The following PTPRM variants were observed in gnomAD, a reference collection of about 807,000 sequenced individuals.
PTPRM encodes the protein protein tyrosine phosphatase receptor type M, also known as receptor-type tyrosine-protein phosphatase mu.
A neutral mutation model predicts 186.7 loss-of-function variants in PTPRM; 47 were observed. The ratio of observed to expected loss-of-function variants is 0.25; its 90% CI spans 0.20 to 0.32. The LOEUF is 0.32. Among genes scored for constraint, PTPRM ranks in the 10% least tolerant of loss-of-function variants. The pLI is 1.00. For synonymous variants in PTPRM, 668 were observed against 674.9 expected (o/e 0.99, Z 0.16); for missense variants, 1,494 against 1,865.0 (o/e 0.80, Z 3.66).
intron 31 of PTPRM, among the ~76,000 whole-genome samples, chr18:8,389,685 T>C (rs929384381): frequency 3.3e-5 from 5 of 152,264 alleles, no homozygotes; most frequent in African/African-American, 1.2e-4. Context: ...TTTACATTTA[T>C]ATATCTAAAT....
chr18:8,235,456 C>CTTTTTT (rs58166609), intron 14 of PTPRM, among the ~76,000 whole-genome samples: 3 of 102,322 alleles, frequency 2.9e-5, no homozygotes, highest in Non-Finnish European at 3.8e-5. Context: ...TCTGTGTCTT[C>CTTTTTT]TTTTTTTTTT....
intron 14 of PTPRM, among the ~76,000 whole-genome samples, chr18:8,150,481 G>T (rs2092980828): frequency 6.6e-6 from 1 of 151,764 alleles, no homozygotes; most frequent in African/African-American, 2.4e-5. Flanking sequence ...CTCGTGCTGT[G>T]CTTTTCAGCT....
intron 15 of PTPRM, among the ~76,000 whole-genome samples, chr18:8,244,714 C>G (rs1385185656): frequency 6.6e-6 from 1 of 152,130 alleles, no homozygotes; most frequent in Non-Finnish European, 1.5e-5. Flanking sequence ...TGCTTCATAC[C>G]AGGTGTGTAA....
At chr18:8,052,592 A>T (rs2087588137) in intron 7 of PTPRM, among the ~76,000 whole-genome samples, 1 of 152,144 alleles carries the variant, frequency 6.6e-6, no homozygotes, top group Non-Finnish European at 1.5e-5. Context: ...AAATCACCTA[A>T]CAATCCATTT....
At chr18:8,317,047 G>GT (rs1207942611) in intron 21 of PTPRM, among the ~76,000 whole-genome samples, 1 of 152,176 alleles carries the variant, frequency 6.6e-6, no homozygotes, top group African/African-American at 2.4e-5. Context: ...GTCCACAGTT[G>GT]TAAGGACTTT....
At chr18:7,656,709 G>C (rs1254703431) in intron 1 of PTPRM, among the ~76,000 whole-genome samples, 2 of 152,068 alleles carry the variant, frequency 1.3e-5, no homozygotes, top group Non-Finnish European at 2.9e-5. Context: ...AATATGTGAC[G>C]TGCATTTGAC....
intron 1 of PTPRM, among the ~76,000 whole-genome samples, chr18:7,621,752 T>C (rs185613986): frequency 3.8e-4 from 58 of 152,344 alleles, no homozygotes; most frequent in African/African-American, 1.3e-3. Flanking sequence ...TTCTTTCACT[T>C]AATAATATGC....
chr18:7,860,745 A>G (rs927582745), intron 2 of PTPRM, among the ~76,000 whole-genome samples: 1 of 152,184 alleles, frequency 6.6e-6, no homozygotes, highest in Non-Finnish European at 1.5e-5. Flanking sequence ...TTACAGGAGA[A>G]CTTAACAGGT....
At chr18:8,295,522 T>C (rs2095087621) in intron 19 of PTPRM, among the ~76,000 whole-genome samples, 1 of 152,088 alleles carries the variant, frequency 6.6e-6, no homozygotes, top group Non-Finnish European at 1.5e-5. Context: ...CTGCTCACCC[T>C]TCATCTCTTC....
chr18:7,765,538 G>A (rs183739621), intron 1 of PTPRM, among the ~76,000 whole-genome samples: 1 of 152,016 alleles, frequency 6.6e-6, no homozygotes, highest in African/African-American at 2.4e-5. Flanking sequence ...TGCTATGTTG[G>A]TATAGTTTTT....
At chr18:7,831,742 C>A (rs1435069966) in intron 2 of PTPRM, among the ~76,000 whole-genome samples, 1 of 152,158 alleles carries the variant, frequency 6.6e-6, no homozygotes, top group Non-Finnish European at 1.5e-5. Flanking sequence ...CATTAACCAT[C>A]TCCACCTTCA....
At chr18:8,114,754 A>T in intron 12 of PTPRM, 37 bp from the exon 13 acceptor site, 1 of 1,542,644 alleles carries the variant, frequency 6.5e-7, no homozygotes, top group South Asian at 1.1e-5. Context: ...TAAAGAAAAC[A>T]TGAATAATGA....
rs191693392 is a variant in PTPRM at position 7,698,236 on chromosome 18, G to C, written c.74-75913G>C. Among the ~76,000 whole-genome samples the C allele has an allele frequency of 1.7e-4, 26 of 152,244 alleles. No homozygotes were observed. The East Asian group carries it at 5.0e-3, about 29-fold the overall frequency. On this transcript the variant is annotated intron_variant, in intron 1 of 32. Transcript: ENST00000580170. ...CATTTCTAAATTCTGCACCAATACA[G>C]TGGCTCCACAGCTGCTACTGAATAT...
chr18:7,684,725 G>A (rs942539277), intron 1 of PTPRM, among the ~76,000 whole-genome samples: 2 of 152,162 alleles, frequency 1.3e-5, no homozygotes, highest in Non-Finnish European at 2.9e-5. Flanking sequence ...ATATGACACA[G>A]TTTCTTTATC....
At chr18:8,113,387 T>A (rs569192010) in intron 11 of PTPRM, 99 bp from the exon 12 acceptor site, 378 of 1,099,934 alleles carry the variant, frequency 3.4e-4, no homozygotes, top group Non-Finnish European at 4.9e-4. Flanking sequence ...GTCCAGTGTG[T>A]TCTTTATTTT....
At chr18:7,802,758 T>A (rs2044038049) in intron 2 of PTPRM, among the ~76,000 whole-genome samples, 1 of 152,220 alleles carries the variant, frequency 6.6e-6, no homozygotes, top group African/African-American at 2.4e-5. Flanking sequence ...GTATGACATC[T>A]TTTTATTGAT....
chr18:7,680,682 A>G (rs2039460555), intron 1 of PTPRM, among the ~76,000 whole-genome samples: 2 of 151,930 alleles, frequency 1.3e-5, no homozygotes, highest in African/African-American at 4.8e-5. Flanking sequence ...TTGCTCGGAT[A>G]GGGAAAACTG....
At chr18:8,070,673 T>G (rs2089416639) in intron 8 of PTPRM, among the ~76,000 whole-genome samples, 1 of 152,206 alleles carries the variant, frequency 6.6e-6, no homozygotes. Context: ...TGGATATAAA[T>G]GTTTCTTTAC....
At chr18:8,302,108 G>A (rs746497283) in intron 20 of PTPRM, among the ~76,000 whole-genome samples, 2 of 152,204 alleles carry the variant, frequency 1.3e-5, no homozygotes, top group Non-Finnish European at 2.9e-5. Context: ...GGGGAGAAGG[G>A]GGTGATGTAA....
Sources: gnomAD v4.1 joint callset for allele counts (sites outside exome capture counted in the v4.1 genomes callset) on GRCh38, gnomAD v4.1.1 for gene constraint, MANE v1.5 for transcripts, NCBI Gene and HGNC (gene_info 2026-07-23, HGNC 2026-07-21) for gene names.